Variants in ARMH3 observed in about 807,000 individuals in gnomAD.
ARMH3 encodes armadillo like helical domain containing 3.
In ARMH3, 60 loss-of-function variants were observed where a neutral mutation model predicts 99.1. The observed-to-expected ratio is 0.61, with a 90% CI of 0.49 to 0.75. The LOEUF (loss-of-function observed/expected upper bound fraction) is 0.75. Ranked by LOEUF, ARMH3 falls within the 30% of genes least tolerant of loss-of-function variation. The probability of loss-of-function intolerance (pLI) is 0.00; values close to 1 mark genes in which losing one functional copy is unlikely to be tolerated. For synonymous variants in ARMH3, 285 were observed against 292.8 expected (o/e 0.97, Z 0.27); for missense variants, 679 against 843.1 (o/e 0.81, Z 2.41).
intron 19 of ARMH3, among the ~76,000 whole-genome samples, chr10:101,980,558 C>A (rs1004366977): frequency 4.6e-5 from 7 of 152,164 alleles, no homozygotes; most frequent in Admixed American, 4.6e-4. Flanking sequence ...CTCAGCCTCC[C>A]AAAGTGCTAG....
At chr10:101,850,026 C>T (rs1189246046) in intron 24 of ARMH3, 134 bp from the exon 25 acceptor site, 1 of 673,988 alleles carries the variant, frequency 1.5e-6, no homozygotes, top group Non-Finnish European at 2.5e-6. Context: ...TACTTATCTT[C>T]CAGAAAACAG....
chr10:101,937,558 T>G (rs146763503), intron 23 of ARMH3, among the ~76,000 whole-genome samples: 233 of 152,030 alleles, frequency 1.5e-3, no homozygotes, highest in African/African-American at 5.2e-3. Flanking sequence ...GACCTATTAT[T>G]AATTCTCAGC....
chr10:101,861,382 T>C (rs2066864143), intron 24 of ARMH3, among the ~76,000 whole-genome samples: 2 of 152,152 alleles, frequency 1.3e-5, no homozygotes, highest in Non-Finnish European at 2.9e-5. Context: ...AATAAAGACA[T>C]TTTCAAACAA....
chr10:102,007,727 G>A (rs1590174248), intron 13 of ARMH3, among the ~76,000 whole-genome samples: 2 of 150,390 alleles, frequency 1.3e-5, no homozygotes, highest in East Asian at 3.9e-4. Context: ...CAGCTACTCG[G>A]GAGGCTGAGG....
intron 13 of ARMH3, among the ~76,000 whole-genome samples, chr10:102,007,833 C>CAAAA (rs529858697): frequency 1.0e-4 from 5 of 48,966 alleles, no homozygotes; most frequent in East Asian, 1.4e-3. Context: ...ACACCATCTC[C>CAAAA]AAAAAAAAAA....
chr10:102,033,424 C>CTT (rs370808918), intron 2 of ARMH3, 85 bp from the exon 3 acceptor site: 1,309 of 1,080,728 alleles, frequency 1.2e-3, no homozygotes, highest in South Asian at 1.9e-3. Context: ...CCTTAGTTTT[C>CTT]TTTTTTTTTT....
intron 23 of ARMH3, among the ~76,000 whole-genome samples, chr10:101,936,182 ATATCT>A (rs780366509): frequency 6.6e-6 from 1 of 152,194 alleles, no homozygotes; most frequent in Non-Finnish European, 1.5e-5. Flanking sequence ...GGTTAAGGTA[ATATCT>A]TAACTTTTAT....
intron 22 of ARMH3, among the ~76,000 whole-genome samples, chr10:101,954,812 C>G (rs1307731202): frequency 6.6e-6 from 1 of 151,966 alleles, no homozygotes; most frequent in African/African-American, 2.4e-5. Flanking sequence ...CTATTTGTGC[C>G]CTCCTAGTTA....
intron 6 of ARMH3, 78 bp from the exon 7 acceptor site, chr10:102,023,827 A>C (rs1441368587): frequency 3.8e-6 from 5 of 1,303,770 alleles, no homozygotes; most frequent in Non-Finnish European, 5.5e-6. Context: ...CCTAACATCT[A>C]AGAGAAACAA....
At chr10:101,983,880 T>C (rs1846339693) in intron 19 of ARMH3, among the ~76,000 whole-genome samples, 3 of 151,982 alleles carry the variant, frequency 2.0e-5, no homozygotes, top group African/African-American at 4.8e-5. Flanking sequence ...AAGGAGGAGG[T>C]TGTAGGAACC....
chr10:101,930,185 G>A (rs1463686210), intron 23 of ARMH3, among the ~76,000 whole-genome samples: 2 of 151,988 alleles, frequency 1.3e-5, no homozygotes, highest in Non-Finnish European at 1.5e-5. Context: ...AATGTAGTAC[G>A]TTTTATCAAT....
At chr10:102,020,470 A>G (rs1216423655) in intron 8 of ARMH3, among the ~76,000 whole-genome samples, 2 of 151,942 alleles carry the variant, frequency 1.3e-5, no homozygotes, top group African/African-American at 2.4e-5. Flanking sequence ...AGGTCAGGAG[A>G]TCGAGACCAT....
rs116099770 is a variant in ARMH3, at chr10:101,872,902, G to A, written c.1860+16510C>T. Among the ~76,000 whole-genome samples the A allele has an allele frequency of 9.1e-3, 1,381 of 151,414 alleles. 19 individuals carry two copies. Among genetic ancestry groups the A allele is most frequent in the African/African-American group, 0.031 (1,297 of 41,198 alleles). ...GAACCCAGGAGGTGAAGATTGCAGC[G>A]AGCCGAGATCACGCCACTGCACGCC... On this transcript the variant is annotated intron_variant, in intron 24 of 25. Transcript: ENST00000370033.
chr10:101,901,278 A>T lies in ARMH3; in HGVS notation c.1782-11788T>A, dbSNP rs114268101. 8.9e-3 allele frequency among the ~76,000 whole-genome samples: 1,344 copies of T among 150,342 alleles called. 15 individuals are homozygous for T. Among genetic ancestry groups the T allele is most frequent in the African/African-American group, 0.031 (1,274 of 40,716 alleles). On this transcript the variant is annotated intron_variant, in intron 23 of 25. Transcript: ENST00000370033. ...GATGAGAGGGTGGGCCATATGGATC[A>T]CGTACTGGTTTTCAAGTACTCCAGG...
intron 20 of ARMH3, among the ~76,000 whole-genome samples, chr10:101,963,373 C>T (rs1053243007): frequency 6.6e-6 from 1 of 151,888 alleles, no homozygotes; most frequent in Non-Finnish European, 1.5e-5. Context: ...CCTCGTGATC[C>T]GGTCGCCTTG....
At chr10:101,858,323 T>C (rs948924412) in intron 24 of ARMH3, among the ~76,000 whole-genome samples, 1 of 152,212 alleles carries the variant, frequency 6.6e-6, no homozygotes, top group Non-Finnish European at 1.5e-5. Context: ...CTTCACCAGT[T>C]AGCAGCAGGA....
chr10:102,035,561 G>A (rs1161322577), intron 2 of ARMH3, among the ~76,000 whole-genome samples: 5 of 152,218 alleles, frequency 3.3e-5, no homozygotes, highest in Non-Finnish European at 5.9e-5. Context: ...GCGCTGCCAC[G>A]CCTGACTGGT....
chr10:101,851,190 C>A lies in ARMH3; in HGVS notation c.1861-1298G>T, dbSNP rs192343619. ...ATTTTCTATGCGGGGAGGATTCAGACTTCCACTGACTCCAGGAAACTTGAC... is the reference window on the plus strand; with the variant it reads ...ATTTTCTATGCGGGGAGGATTCAGAATTCCACTGACTCCAGGAAACTTGAC... On this transcript the variant is annotated intron_variant, in intron 24 of 25. Coordinates refer to ENST00000370033, the MANE Select transcript of ARMH3 (RefSeq NM_024541.3). Among the ~76,000 whole-genome samples, 79 of 152,302 alleles carry A rather than the reference C, an allele frequency of 5.2e-4. 1 individual carries two copies. The highest frequency in any genetic ancestry group is 1.5e-4 in the Non-Finnish European group (10 of 68,020).
intron 19 of ARMH3, among the ~76,000 whole-genome samples, chr10:101,983,133 C>T (rs1200966790): frequency 6.6e-6 from 1 of 152,152 alleles, no homozygotes; most frequent in Non-Finnish European, 1.5e-5. Context: ...TGACGGCTGG[C>T]CTCCCCTAGG....
Sources: gnomAD v4.1 joint callset for allele counts (sites outside exome capture counted in the v4.1 genomes callset) on GRCh38, gnomAD v4.1.1 for gene constraint, MANE v1.5 for transcripts, NCBI Gene and HGNC (gene_info 2026-07-23, HGNC 2026-07-21) for gene names.